TNFSF4: variants seen among roughly 807,000 people sequenced by gnomAD.
TNFSF4 encodes the protein TNF superfamily member 4.
In TNFSF4, 4 loss-of-function variants were observed where a neutral mutation model predicts 7.3. The ratio of observed to expected loss-of-function variants is 0.55; its 90% confidence interval spans 0.27 to 1.25. TNFSF4 has a LOEUF of 1.25. TNFSF4 is among the 50% of genes most tolerant of loss of function. The pLI is 0.12. For missense variants in TNFSF4, 181 were observed against 208.8 expected (o/e 0.87, Z 0.82); for synonymous variants, 76 against 83.7 (o/e 0.91, Z 0.50).
chr1:173,248,946 G>C, the TNFSF4 span, among the ~76,000 whole-genome samples: 1 of 152,154 alleles, frequency 6.6e-6, no homozygotes, highest in Non-Finnish European at 1.5e-5. Context: ...GTAAGAACAT[G>C]ACATAATAAT....
the TNFSF4 span, among the ~76,000 whole-genome samples, chr1:173,241,202 C>A: frequency 6.6e-6 from 1 of 152,122 alleles, no homozygotes; most frequent in Non-Finnish European, 1.5e-5. Flanking sequence ...CCAACACATT[C>A]CAGAGACTAT....
the TNFSF4 span, among the ~76,000 whole-genome samples, chr1:173,358,999 A>G: frequency 1.3e-5 from 2 of 152,250 alleles, no homozygotes; most frequent in Non-Finnish European, 2.9e-5. Flanking sequence ...CATTTACTAT[A>G]CATGTATATT....
chr1:173,392,479 C>T, the TNFSF4 span, among the ~76,000 whole-genome samples: 1 of 152,176 alleles, frequency 6.6e-6, no homozygotes, highest in African/African-American at 2.4e-5. Flanking sequence ...TTATAGTAGG[C>T]TGCCTGGCAT....
chr1:173,257,946 T>C, the TNFSF4 span, among the ~76,000 whole-genome samples: 1 of 152,224 alleles, frequency 6.6e-6, no homozygotes, highest in African/African-American at 2.4e-5. Flanking sequence ...TGGTTGATCT[T>C]TCAGCCATGG....
At chr1:173,392,536 A>G in the TNFSF4 span, among the ~76,000 whole-genome samples, 1 of 152,218 alleles carries the variant, frequency 6.6e-6, no homozygotes, top group African/African-American at 2.4e-5. Context: ...CTTAAGTCCC[A>G]AGAATCTATT....
intron 1 of TNFSF4, among the ~76,000 whole-genome samples, chr1:173,204,375 T>C (rs945150763): frequency 6.6e-6 from 1 of 152,046 alleles, no homozygotes; most frequent in South Asian, 2.1e-4. Flanking sequence ...TTTTCTAGCA[T>C]CTTAAAAACA....
the TNFSF4 span, among the ~76,000 whole-genome samples, chr1:173,319,847 A>G: frequency 6.6e-6 from 1 of 152,188 alleles, no homozygotes; most frequent in Non-Finnish European, 1.5e-5. Flanking sequence ...ACCCCATCCA[A>G]AGGTCATAAA....
At chr1:173,278,682 A>G in the TNFSF4 span, among the ~76,000 whole-genome samples, 2 of 152,066 alleles carry the variant, frequency 1.3e-5, no homozygotes, top group African/African-American at 4.8e-5. Flanking sequence ...TTCCACACAA[A>G]CGATGTTTCA....
At chr1:173,187,311 T>C (rs1044823484) in intron 2 of TNFSF4, among the ~76,000 whole-genome samples, 1 of 152,260 alleles carries the variant, frequency 6.6e-6, no homozygotes, top group Non-Finnish European at 1.5e-5. Context: ...GCCTCCTTTC[T>C]TGCTCAGTGG....
the TNFSF4 span, among the ~76,000 whole-genome samples, chr1:173,395,155 G>A: frequency 3.3e-5 from 5 of 151,250 alleles, no homozygotes; most frequent in South Asian, 1.0e-3. Context: ...TGGTTCTAAG[G>A]GAACAAAATG....
At chr1:173,402,702 G>A in the TNFSF4 span, among the ~76,000 whole-genome samples, 1 of 152,188 alleles carries the variant, frequency 6.6e-6, no homozygotes, top group Non-Finnish European at 1.5e-5. Flanking sequence ...TTAGGCACAT[G>A]GCAGAGAAGG....
the TNFSF4 span, among the ~76,000 whole-genome samples, chr1:173,287,541 G>T: frequency 3.3e-5 from 5 of 152,210 alleles, no homozygotes; most frequent in East Asian, 1.9e-4. Flanking sequence ...ACAGATGCTT[G>T]CTCTATGATT....
chr1:173,203,015 C>G (rs1650011801), intron 1 of TNFSF4, among the ~76,000 whole-genome samples: 1 of 152,084 alleles, frequency 6.6e-6, no homozygotes, highest in South Asian at 2.1e-4. Context: ...CTCTTTTGTC[C>G]CCACCCTGCA....
chr1:173,238,732 T>TGA, the TNFSF4 span, among the ~76,000 whole-genome samples: 1 of 149,214 alleles, frequency 6.7e-6, no homozygotes, highest in Non-Finnish European at 1.5e-5. Context: ...GAATGGCTAT[T>TGA]ACTAAAAAGT....
the TNFSF4 span, among the ~76,000 whole-genome samples, chr1:173,228,507 A>G: frequency 6.6e-6 from 1 of 152,242 alleles, no homozygotes; most frequent in Non-Finnish European, 1.5e-5. Context: ...TGAAAATTCT[A>G]AAAATCAGAG....
At chr1:173,424,033 C>T in the TNFSF4 span, among the ~76,000 whole-genome samples, 1 of 152,056 alleles carries the variant, frequency 6.6e-6, no homozygotes, top group African/African-American at 2.4e-5. Flanking sequence ...ATCCTCATGG[C>T]AGAAGAACAG....
intron 1 of TNFSF4, 70 bp from the exon 2 acceptor site, chr1:173,188,639 AT>A (rs1280135009): frequency 7.6e-7 from 1 of 1,322,296 alleles, no homozygotes; most frequent in Admixed American, 1.7e-5. Flanking sequence ...GTCATATTTA[AT>A]GGAACAGTGA....
chr1:173,396,839 A>G, the TNFSF4 span, among the ~76,000 whole-genome samples: 2 of 152,244 alleles, frequency 1.3e-5, no homozygotes, highest in African/African-American at 2.4e-5. Context: ...CCTTTCACTA[A>G]TACTGTGAGA....
At chr1:173,319,866 A>G in the TNFSF4 span, among the ~76,000 whole-genome samples, 6 of 152,204 alleles carry the variant, frequency 3.9e-5, no homozygotes, top group Admixed American at 2.0e-4. Context: ...AACCTCAAAG[A>G]TCAAAGGTAG....
Sources: gnomAD v4.1 joint callset for allele counts (sites outside exome capture counted in the v4.1 genomes callset) on GRCh38, gnomAD v4.1.1 for gene constraint, MANE v1.5 for transcripts, NCBI Gene and HGNC (gene_info 2026-07-23, HGNC 2026-07-21) for gene names.